Variants in ZDHHC11 observed in about 807,000 individuals in gnomAD.
ZDHHC11 encodes zDHHC palmitoyltransferase 11.
ZDHHC11 carries 44 observed loss-of-function variants against 51.3 expected under a neutral mutation model. That is an observed-to-expected ratio of 0.86 (90% CI 0.67 to 1.10). The LOEUF (loss-of-function observed/expected upper bound fraction) is 1.10. ZDHHC11 is among the 50% of genes least tolerant of loss of function. The pLI is 0.00. For synonymous variants in ZDHHC11, 163 were observed against 222.0 expected (o/e 0.73, Z 2.36); for missense variants, 400 against 537.7 (o/e 0.74, Z 2.53).
Position 837,863 on chromosome 5 carries a change from G to C in ZDHHC11, c.785-383C>G, listed in dbSNP as rs1248045281. Among the ~76,000 whole-genome samples, 6 of 152,060 alleles carry C rather than the reference G, an allele frequency of 3.9e-5. 1 individual carries two copies. In the South Asian group the frequency reaches 1.0e-3, roughly 26 times the overall value. On this transcript the variant is annotated intron_variant, in intron 5 of 12. Coordinates refer to ENST00000283441, the MANE Select transcript of ZDHHC11 (RefSeq NM_024786.3). The stretch of plus-strand genomic sequence containing the variant: ...CCAGATCCCCTGGGATCGCTGGCAG[G>C]GGTAAGAGACCAGCTCAGGAGGGGC...
intron 6 of ZDHHC11, among the ~76,000 whole-genome samples, chr5:836,948 T>C (rs1214594047): frequency 6.6e-6 from 1 of 150,874 alleles, no homozygotes; most frequent in Non-Finnish European, 1.5e-5. Context: ...TCCCAGCTAC[T>C]TGGGAGGCTG....
chr5:856,807 C>T (rs1224894970), intron 1 of ZDHHC11, among the ~76,000 whole-genome samples: 2 of 150,996 alleles, frequency 1.3e-5, no homozygotes, highest in African/African-American at 4.9e-5. Flanking sequence ...ACAGAGCACA[C>T]ACACTTGCAC....
At chr5:841,607 C>T in intron 4 of ZDHHC11, 2 of 994,890 alleles carry the variant, frequency 2.0e-6, no homozygotes, top group East Asian at 1.1e-4. Flanking sequence ...TTGCTCATGG[C>T]CCACTCTGTG....
At chr5:800,714 G>A (rs1247324601) in intron 12 of ZDHHC11, among the ~76,000 whole-genome samples, 1 of 151,380 alleles carries the variant, frequency 6.6e-6, no homozygotes, top group East Asian at 1.9e-4. Context: ...AGCAGGGATA[G>A]GTACGGTCAG....
At chr5:836,562 T>A (rs1376836467) in intron 6 of ZDHHC11, among the ~76,000 whole-genome samples, 2 of 149,762 alleles carry the variant, frequency 1.3e-5, no homozygotes, top group Non-Finnish European at 3.0e-5. Flanking sequence ...GTGTGTAGGT[T>A]GTATTGTATT....
intron 11 of ZDHHC11, 60 bp downstream of exon 11, chr5:814,701 A>C (rs1390283764): frequency 1.4e-6 from 2 of 1,456,008 alleles, no homozygotes; most frequent in East Asian, 2.5e-5. Context: ...TTCCTATGTA[A>C]TTTGAGTTCA....
intron 8 of ZDHHC11, chr5:823,375 C>T (rs1330312234): frequency 6.6e-6 from 1 of 151,224 alleles, no homozygotes; most frequent in Non-Finnish European, 1.5e-5. Context: ...TTCCATGTCT[C>T]CCCATTGCCT....
chr5:846,759 C>G (rs867526919), intron 3 of ZDHHC11, among the ~76,000 whole-genome samples: 1 of 143,646 alleles, frequency 7.0e-6, no homozygotes, highest in South Asian at 2.2e-4. Flanking sequence ...GAGCCTCCAC[C>G]GTGCTCAGGG....
chr5:846,860 GTTCTTGCA>G (rs1561299508), intron 3 of ZDHHC11, among the ~76,000 whole-genome samples: 22 of 116,530 alleles, frequency 1.9e-4, no homozygotes, highest in African/African-American at 6.6e-4. Context: ...AACACCTCTC[GTTCTTGCA>G]CCTCCACCAT....
chr5:807,377 C>G (rs1739417990), intron 11 of ZDHHC11, among the ~76,000 whole-genome samples: 2 of 151,264 alleles, frequency 1.3e-5, no homozygotes, highest in African/African-American at 4.9e-5. Context: ...GAATGAAGAG[C>G]ATGAGCGGGG....
chr5:850,686 T>C lies in ZDHHC11; in HGVS notation c.-84A>G. The C allele has an allele frequency of 1.3e-6, 2 of 1,526,562 alleles. No individual in the cohort carries two copies. The highest frequency in any genetic ancestry group is 1.2e-5 in the South Asian group (1 of 82,880). The allele number at this position is 1,526,562 out of a possible 1,614,324, so 94.6% of individuals were successfully genotyped here. A position where few individuals can be genotyped will look rare whatever the true frequency, so the allele number is the denominator to read the frequency against. ...CCACTGTCACAGAGACCAAGGGGAC[T>C]GGGAATGCAGCCGCCAGGACCAGCA... On this transcript the variant is annotated 5_prime_UTR_variant, in exon 1 of 13. Transcript: ENST00000283441.
chr5:838,136 T>C (rs1744176874), intron 5 of ZDHHC11, among the ~76,000 whole-genome samples: 1 of 151,204 alleles, frequency 6.6e-6, no homozygotes, highest in African/African-American at 2.4e-5. Flanking sequence ...CTGAGACAGG[T>C]CACCATCCCT....
At chr5:801,187 G>C (rs763937579) in intron 11 of ZDHHC11, 23 bp from the exon 12 acceptor site, 2 of 1,609,660 alleles carry the variant, frequency 1.2e-6, no homozygotes, top group Admixed American at 1.7e-5. Flanking sequence ...TTCAGAAAGA[G>C]AAACAACAGA....
intron 5 of ZDHHC11, among the ~76,000 whole-genome samples, 163 bp from the exon 6 acceptor site, chr5:837,643 GGTGCCTT>G (rs1744084200): frequency 1.3e-5 from 2 of 151,844 alleles, no homozygotes; most frequent in South Asian, 4.2e-4. Flanking sequence ...GATGAGTGCA[GGTGCCTT>G]GTGGGCCCAG....
intron 10 of ZDHHC11, among the ~76,000 whole-genome samples, chr5:815,405 C>T (rs1740652477): frequency 6.6e-6 from 1 of 151,136 alleles, no homozygotes; most frequent in African/African-American, 2.4e-5. Flanking sequence ...GGTTAAGAAC[C>T]TGGGAGTGGG....
intron 7 of ZDHHC11, among the ~76,000 whole-genome samples, chr5:827,413 G>A (rs1346169366): frequency 6.6e-6 from 1 of 151,298 alleles, no homozygotes; most frequent in Non-Finnish European, 1.5e-5. Context: ...TGGCCTATAA[G>A]CACCTTCTAA....
chr5:802,402 A>G (rs61021099), intron 11 of ZDHHC11, among the ~76,000 whole-genome samples: 4,279 of 150,976 alleles, frequency 0.028, 85 homozygotes, highest in African/African-American at 0.095. Flanking sequence ...ATTTCAAATG[A>G]AAACATAAAG....
chr5:847,262 G>T (rs568417389), intron 3 of ZDHHC11, among the ~76,000 whole-genome samples: 1 of 151,670 alleles, frequency 6.6e-6, no homozygotes, highest in East Asian at 1.9e-4. Context: ...GCGTGGCCCC[G>T]CAAGTGCCCC....
At chr5:823,439 T>C (rs1398261356) in intron 8 of ZDHHC11, 1 of 151,594 alleles carries the variant, frequency 6.6e-6, no homozygotes, top group Non-Finnish European at 1.5e-5. Flanking sequence ...GAAGGGCTTG[T>C]TTCTGGAGTT....
Sources: gnomAD v4.1 joint callset for allele counts (sites outside exome capture counted in the v4.1 genomes callset) on GRCh38, gnomAD v4.1.1 for gene constraint, MANE v1.5 for transcripts, NCBI Gene and HGNC (gene_info 2026-07-23, HGNC 2026-07-21) for gene names.